Variants in DBP observed in about 807,000 individuals in gnomAD.
The protein encoded by DBP is D-box binding PAR bZIP transcription factor.
DBP carries 12 observed loss-of-function variants against 21.4 expected under a neutral mutation model. That is an observed-to-expected ratio of 0.56 (90% CI 0.36 to 0.91). The LOEUF (loss-of-function observed/expected upper bound fraction) is 0.91, where lower values mean the gene tolerates loss of function less well. Among genes scored for constraint, DBP ranks in the 40% least tolerant of loss-of-function variants. DBP has a pLI of 0.01. For synonymous variants in DBP, 213 were observed against 224.9 expected (o/e 0.95, Z 0.47); for missense variants, 423 against 473.4 (o/e 0.89, Z 0.99).
chr19:48,630,155 T>C lies in DBP; in HGVS notation c.*682A>G. The C allele has an allele frequency of 8.0e-7, 1 of 1,242,616 alleles. No homozygotes were observed. The allele number at this position is 1,242,616 out of a possible 1,614,324, so 77.0% of individuals were successfully genotyped here. A position where few individuals can be genotyped will look rare whatever the true frequency, so the allele number is the denominator to read the frequency against. On this transcript the variant is annotated 3_prime_UTR_variant, in exon 4 of 4. Transcript: ENST00000222122. The surrounding 1 kb of genome is among the most constrained non-coding windows in gnomAD (Gnocchi z 4.9). The stretch of plus-strand genomic sequence containing the variant: ...TGGAATGTACTGGCTGGGGTAGGCC[T>C]CAGTGAGTCGGCCGGTCAGGGCCCG...
At chr19:48,631,074 G>C (rs1243677443) in intron 3 of DBP, 22 bp from the exon 4 acceptor site, 1 of 1,604,300 alleles carries the variant, frequency 6.2e-7, no homozygotes, top group Middle Eastern at 1.7e-4. Context: ...GAGGGGGAGA[G>C]CACTGAGGTC....
intron 3 of DBP, chr19:48,631,313 A>C: frequency 1.9e-6 from 1 of 515,970 alleles, no homozygotes; most frequent in Non-Finnish European, 3.5e-6. Flanking sequence ...TCCCCACATG[A>C]TAAAGGCCTG....
chr19:48,633,028 C>G lies in DBP; in HGVS notation c.762+416G>C, dbSNP rs1012008466. ...TTTTGTTTTAAGACAAGGTCTCCCT[C>G]TGTTGCCCAGGCTGGAGTGCAGTGG... On this transcript the variant is annotated intron_variant, in intron 3 of 3. Transcript: ENST00000222122. 7.5e-5 allele frequency: 25 copies of G among 331,212 alleles called. No homozygotes were observed. In the East Asian group the frequency reaches 1.7e-3, roughly 23 times the overall value. The allele number at this position is 331,212 out of a possible 1,614,324, so 20.5% of individuals were successfully genotyped here. A position where few individuals can be genotyped will look rare whatever the true frequency, so the allele number is the denominator to read the frequency against.
chr19:48,630,628 G>T lies in DBP; in HGVS notation c.*209C>A, dbSNP rs774748906. On this transcript the variant is annotated 3_prime_UTR_variant, in exon 4 of 4. Coordinates refer to ENST00000222122, the MANE Select transcript of DBP (RefSeq NM_001352.5). This position sits in a 1 kb window ranked among gnomAD's most constrained non-coding sequence, Gnocchi z 4.9. Reference sequence around the variant, plus strand: ...GGTGGGAGGATAGGGTCCCTGACGTGCCGGGGACACACACAGAGAACCCTC... The same window carrying T: ...GGTGGGAGGATAGGGTCCCTGACGTTCCGGGGACACACACAGAGAACCCTC... The T allele has an allele frequency of 2.0e-6, 3 of 1,506,276 alleles. No individual in the cohort carries two copies. In the South Asian group the frequency reaches 3.7e-5, roughly 19 times the overall value. 93.3% of individuals were successfully genotyped at this position (1,506,276 alleles called of 1,614,324 possible).
chr19:48,633,925 C>T, intron 2 of DBP: 1 of 475,502 alleles, frequency 2.1e-6, no homozygotes, highest in South Asian at 2.3e-5. Context: ...CATGGAGAAA[C>T]CTCATCTTTA....
In DBP at chr19:48,636,986, C is replaced by T; in HGVS notation, c.9G>A (p.Arg3=). The part of the protein sequence containing the change: MA[R]PVSDRTPAPL... ...GGGCCGGGGTCCTGTCGCTCACAGG[C>T]CGCGCCATCGCCTGGCACCTGCCCC... Residue 3 remains arginine (R), a synonymous_variant, in exon 1 of 4, where the codon CGG becomes CGA. Coordinates refer to ENST00000222122, the MANE Select transcript of DBP (RefSeq NM_001352.5). The T allele has an allele frequency of 6.7e-7, 1 of 1,500,638 alleles. No homozygotes were observed. The highest frequency in any genetic ancestry group is 1.3e-5 in the South Asian group (1 of 76,816). The allele number at this position is 1,500,638 out of a possible 1,614,324, so 93.0% of individuals were successfully genotyped here.
At chr19:48,634,645 C>T (rs568359735) in intron 2 of DBP, 8 of 977,398 alleles carry the variant, frequency 8.2e-6, no homozygotes, top group South Asian at 4.7e-5. Context: ...GCCCCGCCCC[C>T]CTCGCGCTTG....
chr19:48,635,711 G>C lies in DBP; in HGVS notation c.419C>G (p.Pro140Arg), dbSNP rs2030763362. 1 of 1,332,586 alleles carries C rather than the reference G, an allele frequency of 7.5e-7. No homozygotes were observed. The allele number at this position is 1,332,586 out of a possible 1,614,324, so 82.5% of individuals were successfully genotyped here. The change falls in exon 2 of 4, where the codon CCG becomes CGG. Residue 140 changes from proline to arginine, a missense_variant. Transcript: ENST00000222122. ...PSPPPPGGPS[P>R]EPSPARTPAP... ...GGGCGTCCGCGCGGGCGACGGCTCC[G>C]GCGACGGGCCACCGGGGGGCGGCGG...
Position 48,633,498 on chromosome 19 carries a change from C to T in DBP, c.708G>A (p.Lys236=). The T allele has an allele frequency of 6.2e-7, 1 of 1,614,192 alleles. No individual in the cohort carries two copies. The highest frequency in any genetic ancestry group is 2.2e-5 in the East Asian group (1 of 44,882). Residue 236 remains lysine (K), a synonymous_variant, in exon 3 of 4, where the codon AAG becomes AAA. Transcript: ENST00000222122. ...TTGCCTTCTTCATGATTGGCTGGGG[C>T]TTAAGTTCCTCTTCTGAGAAGCGAT... ...RRHRFSEEEL[K]PQPIMKKARK... is the part of the protein sequence containing the mutation.
At chr19:48,634,790 G>A (rs565797226) in intron 2 of DBP, 2 of 985,586 alleles carry the variant, frequency 2.0e-6, no homozygotes, top group South Asian at 9.4e-5. Context: ...TCCCCGACCT[G>A]CAGTCCGTCC....
rs1394891873 is a variant in DBP, at chr19:48,630,286, C to A, written c.*551G>T. On this transcript the variant is annotated 3_prime_UTR_variant, in exon 4 of 4. Coordinates refer to ENST00000222122, the MANE Select transcript of DBP (RefSeq NM_001352.5). The surrounding 1 kb of genome is among the most constrained non-coding windows in gnomAD (Gnocchi z 4.9). ...TAGGATTTGCACTAATGTTCCTCTC[C>A]CCGCGGGTGGGGGCGGGGAAATTCA... is the stretch of plus-strand genomic sequence containing the variant. 7.7e-7 allele frequency: 1 copy of A among 1,290,994 alleles called. No homozygotes were observed. Among genetic ancestry groups the A allele is most frequent in the South Asian group, 2.6e-5 (1 of 38,898 alleles). The allele number at this position is 1,290,994 out of a possible 1,614,324, so 80.0% of individuals were successfully genotyped here.
chr19:48,636,931 G>T lies in DBP; in HGVS notation c.64C>A (p.Pro22Thr). ...PLLLGGPAGT[P>T]PGGGALLGLR... ...CCAAGCAGCGCTCCCCCGCCAGGGG[G>T]TGTCCCGGCCGGGCCGCCCAGCAGC... is the stretch of plus-strand genomic sequence containing the variant. Residue 22 changes from proline to threonine, a missense_variant, in exon 1 of 4, where the codon CCC (proline) becomes ACC (threonine). Transcript: ENST00000222122. 1.3e-6 allele frequency: 2 copies of T among 1,587,266 alleles called. No individual in the cohort carries two copies. Among genetic ancestry groups the T allele is most frequent in the African/African-American group, 2.7e-5 (2 of 74,406 alleles).
At chr19:48,635,113 C>A (rs1386831280) in intron 2 of DBP, 29 of 988,544 alleles carry the variant, frequency 2.9e-5, no homozygotes, top group Non-Finnish European at 3.4e-5. Flanking sequence ...CCTGGGCTGC[C>A]AGTCTCTTAT....
chr19:48,631,150 GTC>G (rs1384215754), intron 3 of DBP, 98 bp from the exon 4 acceptor site: 2 of 1,058,156 alleles, frequency 1.9e-6, no homozygotes, highest in Non-Finnish European at 2.7e-6. Flanking sequence ...ACCACACCAG[GTC>G]TCTGCTGGGA....
Position 48,630,655 on chromosome 19 carries a change from C to A in DBP, c.*182G>T. The A allele has an allele frequency of 6.8e-7, 1 of 1,464,498 alleles. No individual in the cohort carries two copies. The highest frequency in any genetic ancestry group is 9.0e-7 in the Non-Finnish European group (1 of 1,109,116). 90.7% of individuals were successfully genotyped at this position (1,464,498 alleles called of 1,614,324 possible). On this transcript the variant is annotated 3_prime_UTR_variant, in exon 4 of 4. Transcript: ENST00000222122. This position sits in a 1 kb window ranked among gnomAD's most constrained non-coding sequence, Gnocchi z 4.9. ...CGGGGACACACACAGAGAACCCTCC[C>A]CGCCCCCGCAAGGGAGGGGGGAGGC...
intron 1 of DBP, 56 bp from the exon 2 acceptor site, chr19:48,636,046 G>A (rs2147712953): frequency 7.0e-7 from 1 of 1,437,612 alleles, no homozygotes; most frequent in South Asian, 1.4e-5. Flanking sequence ...GATAGAGATG[G>A]AGAAGAGACC....
At chr19:48,634,364 A>G (rs1020624769) in intron 2 of DBP, 1 of 152,592 alleles carries the variant, frequency 6.6e-6, no homozygotes, top group African/African-American at 2.4e-5. Flanking sequence ...CCACGACCTA[A>G]GCTTAGACCC....
chr19:48,635,632 A>C lies in DBP; in HGVS notation c.498T>G (p.Pro166=). Residue 166 remains proline, a synonymous_variant, in exon 2 of 4, where the codon CCT becomes CCG. Coordinates refer to ENST00000222122, the MANE Select transcript of DBP (RefSeq NM_001352.5). ...GGGCAGCCCGGGCGGGGGCGTGCCC[A>C]GGAGAGGAGCGGGGGGAAGCCGAGC... ...SCGSASPRSS[P]GHAPARAALG... is the part of the protein sequence containing the mutation. The C allele has an allele frequency of 7.5e-7, 1 of 1,329,592 alleles. No homozygotes were observed. Among genetic ancestry groups the C allele is most frequent in the Non-Finnish European group, 9.5e-7 (1 of 1,048,286 alleles). The allele number at this position is 1,329,592 out of a possible 1,614,324, so 82.4% of individuals were successfully genotyped here.
At chr19:48,633,723 G>A in intron 2 of DBP, 68 bp from the exon 3 acceptor site, 5 of 1,391,704 alleles carry the variant, frequency 3.6e-6, no homozygotes, top group Non-Finnish European at 5.1e-6. Flanking sequence ...GCTACTTTTT[G>A]CTGTGGTATC....
Sources: allele counts gnomAD v4.1 joint callset, GRCh38; gene constraint gnomAD v4.1.1; non-coding constraint Gnocchi (gnomAD v3.1); transcripts MANE v1.5; gene names NCBI Gene and HGNC (gene_info 2026-07-23, HGNC 2026-07-21).